The following ITGA4 variants were observed in gnomAD, a reference collection of about 807,000 sequenced individuals.
The protein encoded by ITGA4 is integrin subunit alpha 4, also known as integrin alpha-4.
In ITGA4, 63 loss-of-function variants were observed where a neutral mutation model predicts 133.6. The ratio of observed to expected loss-of-function variants is 0.47; its 90% CI spans 0.38 to 0.58. ITGA4 has a LOEUF of 0.58. Among genes scored for constraint, ITGA4 ranks in the 20% least tolerant of loss-of-function variants. ITGA4 has a pLI of 0.00. For synonymous variants in ITGA4, 483 were observed against 438.0 expected (o/e 1.10, Z -1.28); for missense variants, 1,076 against 1,252.7 (o/e 0.86, Z 2.13).
intron 22 of ITGA4, among the ~76,000 whole-genome samples, chr2:181,528,918 TA>T (rs1166381145): frequency 6.6e-6 from 1 of 152,220 alleles, no homozygotes; most frequent in Non-Finnish European, 1.5e-5. Flanking sequence ...CAAGTATTGT[TA>T]AAAACCTTTT....
chr2:181,502,873 G>A (rs896056303), intron 15 of ITGA4, among the ~76,000 whole-genome samples: 1 of 151,994 alleles, frequency 6.6e-6, no homozygotes, highest in African/African-American at 2.4e-5. Flanking sequence ...ATTAACCAGG[G>A]TTGTAGTTTG....
rs1310058781 is a variant in ITGA4 at position 181,522,278 on chromosome 2, A to C, written c.2010A>C (p.Ala670=). The change falls in exon 18 of 28, where the codon GCA becomes GCC. Residue 670 remains alanine (A), a synonymous_variant. Transcript: ENST00000397033. ...CCTTGTTTAATGCTGGAGATGATGC[A>C]TATGAAACGACTCTACATGTCAAAC... is the stretch of plus-strand genomic sequence containing the variant. The part of the protein sequence containing the change: ...NVSLFNAGDD[A]YETTLHVKLP... 2 of 1,605,646 alleles carry C rather than the reference A, an allele frequency of 1.2e-6. No individual in the cohort carries two copies. The highest frequency in any genetic ancestry group is 1.7e-5 in the Admixed American group (1 of 59,910).
chr2:181,469,822 A>T (rs1177554867), intron 2 of ITGA4, among the ~76,000 whole-genome samples: 1 of 151,582 alleles, frequency 6.6e-6, no homozygotes, highest in Non-Finnish European at 1.5e-5. Context: ...AGAACAAAAA[A>T]CCAAACACCG....
At chr2:181,466,972 T>C (rs7607426) in intron 2 of ITGA4, among the ~76,000 whole-genome samples, 1 of 152,188 alleles carries the variant, frequency 6.6e-6, no homozygotes, top group African/African-American at 2.4e-5. Flanking sequence ...CCTGCAATGG[T>C]AAATTTTGTC....
chr2:181,481,595 A>C lies in ITGA4; in HGVS notation c.755-3A>C. 1 of 1,569,226 alleles carries C rather than the reference A, an allele frequency of 6.4e-7. No homozygotes were observed. ...CTCTCATACTTTCTCCCTTTTCTTA[A>C]AGGATATTCAGTCGGAGCTGGTCAT... On this transcript the variant is annotated splice_region_variant and splice_polypyrimidine_tract_variant and intron_variant, in intron 6 of 27. Transcript: ENST00000397033.
In ITGA4 at chr2:181,494,709, T is replaced by G. The variant is rs759292601; in HGVS notation, c.1249-13T>G. 4 of 1,455,048 alleles carry G rather than the reference T, an allele frequency of 2.7e-6. No homozygotes were observed. The African/African-American group carries it at 5.6e-5, about 20-fold the overall frequency. 90.1% of individuals were successfully genotyped at this position (1,455,048 alleles called of 1,614,324 possible). A position where few individuals can be genotyped will look rare whatever the true frequency, so the allele number is the denominator to read the frequency against. ...TCAAAAACTACTTCCCACTCAACTT[T>G]CCTATTTTTCAGAGAATTGAAGGAC... is the stretch of plus-strand genomic sequence containing the variant. On this transcript the variant is annotated splice_polypyrimidine_tract_variant and intron_variant, in intron 11 of 27. Transcript: ENST00000397033.
chr2:181,524,856 G>C (rs548253639), intron 20 of ITGA4, among the ~76,000 whole-genome samples: 1 of 151,902 alleles, frequency 6.6e-6, no homozygotes, highest in African/African-American at 2.4e-5. Context: ...AACCTAAAGA[G>C]AGTAATAGAT....
At chr2:181,488,746 G>C (rs1170449773) in intron 10 of ITGA4, among the ~76,000 whole-genome samples, 1 of 151,924 alleles carries the variant, frequency 6.6e-6, no homozygotes, top group East Asian at 1.9e-4. Flanking sequence ...TTTTAGTAGA[G>C]ACAGGGTTTC....
At chr2:181,482,456 C>A in intron 8 of ITGA4, 34 bp downstream of exon 8, 1 of 1,613,390 alleles carries the variant, frequency 6.2e-7, no homozygotes, top group Non-Finnish European at 8.5e-7. Flanking sequence ...TCTCTGTGGG[C>A]TTTTGCGAGT....
intron 2 of ITGA4, among the ~76,000 whole-genome samples, chr2:181,471,119 AGAATGATTGTTTC>A (rs1476721943): frequency 2.6e-5 from 4 of 152,242 alleles, no homozygotes; most frequent in Non-Finnish European, 5.9e-5. Flanking sequence ...CTTCTGTGGA[AGAATGATTGTTTC>A]ATGACTATTT....
chr2:181,489,903 T>A (rs1686007359), intron 10 of ITGA4, among the ~76,000 whole-genome samples: 1 of 152,088 alleles, frequency 6.6e-6, no homozygotes, highest in African/African-American at 2.4e-5. Context: ...AAGGGGTTTA[T>A]TTGGTGGGGG....
rs780506252 is a variant in ITGA4, at chr2:181,524,132, GA to G, written c.2170-38del. Reference sequence around the variant, plus strand: ...TTCAGATTATAAAAAATGTACTTAAGATTTTTTTTAATGGGCTTTCCTGGTC... The same window carrying G: ...TTCAGATTATAAAAAATGTACTTAAGTTTTTTTTAATGGGCTTTCCTGGTC... On this transcript the variant is annotated intron_variant, in intron 19 of 27. Coordinates refer to ENST00000397033, the MANE Select transcript of ITGA4 (RefSeq NM_000885.6). 1.3e-5 allele frequency: 17 copies of G among 1,336,322 alleles called. No individual in the cohort carries two copies. The Admixed American group carries it at 3.4e-4, about 27-fold the overall frequency. 82.8% of individuals were successfully genotyped at this position (1,336,322 alleles called of 1,614,324 possible). A position where few individuals can be genotyped will look rare whatever the true frequency, so the allele number is the denominator to read the frequency against.
At chr2:181,473,640 C>T (rs1011359747) in intron 2 of ITGA4, among the ~76,000 whole-genome samples, 3 of 152,158 alleles carry the variant, frequency 2.0e-5, no homozygotes, top group African/African-American at 4.8e-5. Context: ...ATCTCTCCTA[C>T]CCAGGAGACT....
Position 181,537,673 on chromosome 2 carries a change from T to G in ITGA4, c.*2146T>G. 1 of 433,866 alleles carries G rather than the reference T, an allele frequency of 2.3e-6. No individual in the cohort carries two copies. The highest frequency in any genetic ancestry group is 4.6e-6 in the Non-Finnish European group (1 of 219,678). The allele number at this position is 433,866 out of a possible 1,614,324, so 26.9% of individuals were successfully genotyped here. A position where few individuals can be genotyped will look rare whatever the true frequency, so the allele number is the denominator to read the frequency against. On this transcript the variant is annotated 3_prime_UTR_variant, in exon 28 of 28. Transcript: ENST00000397033. Reference sequence around the variant, plus strand: ...AAGAATCCAAATTATTTCAGAATTATCTAGGTTAAATATTGATGTATTATG... The same window carrying G: ...AAGAATCCAAATTATTTCAGAATTAGCTAGGTTAAATATTGATGTATTATG...
rs1473049765 is a variant in ITGA4 at position 181,494,816 on chromosome 2, A to G, written c.1339+4A>G. 4 of 1,395,736 alleles carry G rather than the reference A, an allele frequency of 2.9e-6. No homozygotes were observed. In the Admixed American group the frequency reaches 6.7e-5, roughly 23 times the overall value. 86.5% of individuals were successfully genotyped at this position (1,395,736 alleles called of 1,614,324 possible). On this transcript the variant is annotated splice_donor_region_variant and intron_variant, in intron 12 of 27. Transcript: ENST00000397033. ...GCAGATAATAATGGCTATGTAGGTGAGTAATTAGTTTATCATAATTTATAA... is the reference window on the plus strand; with the variant it reads ...GCAGATAATAATGGCTATGTAGGTGGGTAATTAGTTTATCATAATTTATAA...
At chr2:181,466,826 G>A (rs926521979) in intron 2 of ITGA4, among the ~76,000 whole-genome samples, 9 of 152,180 alleles carry the variant, frequency 5.9e-5, no homozygotes, top group South Asian at 2.1e-4. Context: ...CATTGTGAGC[G>A]CCCTCTGCTG....
At chr2:181,520,754 T>G (rs1686701935) in intron 17 of ITGA4, among the ~76,000 whole-genome samples, 1 of 152,144 alleles carries the variant, frequency 6.6e-6, no homozygotes, top group South Asian at 2.1e-4. Flanking sequence ...TTACATTTAT[T>G]TACACATCTG....
intron 15 of ITGA4, among the ~76,000 whole-genome samples, chr2:181,505,973 A>C (rs1316142004): frequency 2.0e-5 from 3 of 152,050 alleles, no homozygotes; most frequent in Non-Finnish European, 4.4e-5. Context: ...CAAGTCGATA[A>C]CTTGGGATTT....
Position 181,536,537 on chromosome 2 carries a change from GTTACCCT to G in ITGA4, c.*1015_*1021del, listed in dbSNP as rs1574419249. ...ACTATTTCCTTGGATGTAATTCTTT[GTTACCCT>G]TTACAAGTATAAGTGTTACCTTACA... On this transcript the variant is annotated 3_prime_UTR_variant, in exon 28 of 28. Transcript: ENST00000397033. 1.6e-5 allele frequency: 1 copy of G among 64,032 alleles called. No homozygotes were observed. The highest frequency in any genetic ancestry group is 1.6e-4 in the Admixed American group (1 of 6,220). The allele number at this position is 64,032 out of a possible 1,614,324, so 4.0% of individuals were successfully genotyped here.
Sources: gnomAD v4.1 joint callset for allele counts (sites outside exome capture counted in the v4.1 genomes callset) on GRCh38, gnomAD v4.1.1 for gene constraint, MANE v1.5 for transcripts, NCBI Gene and HGNC (gene_info 2026-07-23, HGNC 2026-07-21) for gene names.